Variants in MTO1 observed in about 807,000 individuals in gnomAD.
MTO1 encodes the protein mitochondrial tRNA translation optimization 1, also known as 5-taurinomethyluridine-[tRNA] synthase subunit MTO1, mitochondrial.
A neutral mutation model predicts 71.6 loss-of-function variants in MTO1; 46 were observed. That is an observed-to-expected ratio of 0.64 (90% CI 0.51 to 0.82). The LOEUF is 0.82. Ranked by LOEUF, MTO1 falls within the 40% of genes least tolerant of loss-of-function variation. MTO1 has a pLI of 0.00. For synonymous variants in MTO1, 297 were observed against 312.1 expected, an observed-to-expected ratio of 0.95 and a Z score of 0.51; for missense variants, 773 against 867.5, an observed-to-expected ratio of 0.89 and a Z score of 1.37.
At position 73,482,047 on chromosome 6, in the gene MTO1, T is replaced by G. The variant is rs777471257; in HGVS notation, c.1268T>G (p.Ile423Arg). 1 of 1,614,026 alleles carries G rather than the reference T, an allele frequency of 6.2e-7. No individual in the cohort carries two copies. Among genetic ancestry groups the G allele is most frequent in the East Asian group, 2.2e-5 (1 of 44,894 alleles). Residue 423 changes from isoleucine to arginine, a missense_variant, in exon 8 of 12, where the codon ATA becomes AGA. Coordinates refer to ENST00000498286, the MANE Select transcript of MTO1 (RefSeq NM_012123.4). Reference protein sequence around the residue: ...GYEEAAAQGVIAGINASLRVS... With the variant: ...GYEEAAAQGVRAGINASLRVS... ...ATTTCAGTGCTCTTGTAGGGTGTGA[T>G]AGCCGGAATCAACGCCAGTCTTCGG...
At chr6:73,473,240 C>A in intron 3 of MTO1, 125 bp from the exon 4 acceptor site, 1 of 1,044,654 alleles carries the variant, frequency 9.6e-7, no homozygotes, top group Non-Finnish European at 1.3e-6. Context: ...CATTGCACCA[C>A]TGCCCTCCAG....
At chr6:73,485,129 G>T (rs1443207910) in intron 9 of MTO1, among the ~76,000 whole-genome samples, 1 of 151,774 alleles carries the variant, frequency 6.6e-6, no homozygotes, top group African/African-American at 2.4e-5. Context: ...ATAGGAACTT[G>T]CATTGAATGT....
intron 6 of MTO1, chr6:73,480,423 A>T: frequency 1.6e-6 from 1 of 609,242 alleles, no homozygotes. Context: ...GGCATGCATC[A>T]CCATGCCCGG....
In MTO1 at chr6:73,488,859, A is replaced by G. The variant is rs983788831; in HGVS notation, c.1638-3375A>G. On this transcript the variant is annotated intron_variant, in intron 9 of 11. Coordinates refer to ENST00000498286, the MANE Select transcript of MTO1 (RefSeq NM_012123.4). Reference sequence around the variant, plus strand: ...CTTGAACCCGGGAGATGGAGGTTGCAGTGAGCACAGATCATGCCACTGCAC... The same window carrying G: ...CTTGAACCCGGGAGATGGAGGTTGCGGTGAGCACAGATCATGCCACTGCAC... Among the ~76,000 whole-genome samples, 18 of 152,210 alleles carry G rather than the reference A, an allele frequency of 1.2e-4. 1 individual carries two copies. The highest frequency in any genetic ancestry group is 5.9e-4 in the Admixed American group (9 of 15,260).
chr6:73,485,940 T>TACAC (rs57534567), intron 9 of MTO1, among the ~76,000 whole-genome samples: 1 of 151,024 alleles, frequency 6.6e-6, no homozygotes, highest in Non-Finnish European at 1.5e-5. Flanking sequence ...GCGTAACACA[T>TACAC]ACACACACAC....
Position 73,504,594 on chromosome 6 carries a change from C to A in MTO1, c.*3859C>A, listed in dbSNP as rs192723376. On this transcript the variant is annotated 3_prime_UTR_variant, in exon 12 of 12. Coordinates refer to ENST00000498286, the MANE Select transcript of MTO1 (RefSeq NM_012123.4). ...ACTCAAGTGAATAATTAAATGAGAT[C>A]AAAATATTTGTGACAGGCCAGGCAC... 6.6e-6 allele frequency: 1 copy of A among 152,272 alleles called. No individual in the cohort carries two copies. The highest frequency in any genetic ancestry group is 2.4e-5 in the African/African-American group (1 of 41,572). 9.4% of individuals were successfully genotyped at this position (152,272 alleles called of 1,614,324 possible). A position where few individuals can be genotyped will look rare whatever the true frequency, so the allele number is the denominator to read the frequency against.
chr6:73,483,968 AG>A (rs1222492762), intron 9 of MTO1, among the ~76,000 whole-genome samples: 1 of 151,862 alleles, frequency 6.6e-6, no homozygotes, highest in Admixed American at 6.6e-5. Context: ...TAGTAGAGAC[AG>A]GGTTTCACCA....
chr6:73,476,707 CAACT>C (rs1771334178), intron 4 of MTO1, among the ~76,000 whole-genome samples: 1 of 151,842 alleles, frequency 6.6e-6, no homozygotes, highest in African/African-American at 2.4e-5. Flanking sequence ...GCCTATATCT[CAACT>C]AAGCACAGAG....
Position 73,482,151 on chromosome 6 carries a change from G to T in MTO1, c.1372G>T (p.Gly458Cys). ...CTTGATTGATGACCTCACTACTCTG[G>T]GCACCAGTGAACCATACCGCATGTT... is the stretch of plus-strand genomic sequence containing the variant. The part of the protein sequence containing the change: ...GVLIDDLTTL[G>C]TSEPYRMFTS... The change falls in exon 8 of 12, where the codon GGC (glycine) becomes TGC (cysteine). Residue 458 changes from glycine (G) to cysteine (C), a missense_variant. Coordinates refer to ENST00000498286, the MANE Select transcript of MTO1 (RefSeq NM_012123.4). 1 of 1,614,100 alleles carries T rather than the reference G, an allele frequency of 6.2e-7. No homozygotes were observed. Among genetic ancestry groups the T allele is most frequent in the Non-Finnish European group, 8.5e-7 (1 of 1,180,032 alleles).
intron 4 of MTO1, among the ~76,000 whole-genome samples, chr6:73,477,594 C>T (rs1473890940): frequency 6.6e-6 from 1 of 150,884 alleles, no homozygotes; most frequent in Non-Finnish European, 1.5e-5. Context: ...GTAACCTCCG[C>T]CTCCCAGGCT....
At chr6:73,476,140 A>G (rs1771311049) in intron 4 of MTO1, among the ~76,000 whole-genome samples, 1 of 151,770 alleles carries the variant, frequency 6.6e-6, no homozygotes, top group Non-Finnish European at 1.5e-5. Context: ...AGGCAGGTGG[A>G]TCACTTGAGG....
In MTO1 at chr6:73,480,671, T is replaced by G; in HGVS notation, c.1130-4T>G. On this transcript the variant is annotated splice_region_variant and splice_polypyrimidine_tract_variant and intron_variant, in intron 6 of 11. Transcript: ENST00000498286. ...CTTATTTAATGTCTTTGTTCTTTGG[T>G]CAGGCTACGGTGTTCAGTATGATTA... The G allele has an allele frequency of 6.2e-7, 1 of 1,613,634 alleles. No individual in the cohort carries two copies. Among genetic ancestry groups the G allele is most frequent in the Non-Finnish European group, 8.5e-7 (1 of 1,179,818 alleles).
chr6:73,464,750 A>C (rs1434934543), intron 1 of MTO1, among the ~76,000 whole-genome samples: 1 of 148,218 alleles, frequency 6.7e-6, no homozygotes, highest in African/African-American at 2.5e-5. Flanking sequence ...CAGGAGAATC[A>C]CTTGAACTCG....
chr6:73,491,049 C>T (rs1198030417), intron 9 of MTO1, among the ~76,000 whole-genome samples: 1 of 152,180 alleles, frequency 6.6e-6, no homozygotes, highest in Admixed American at 6.6e-5. Flanking sequence ...TGCATTAATA[C>T]TTAGGCATGT....
chr6:73,499,436 C>T (rs112381875), intron 11 of MTO1, among the ~76,000 whole-genome samples: 3 of 150,974 alleles, frequency 2.0e-5, no homozygotes, highest in Non-Finnish European at 2.9e-5. Flanking sequence ...GTGGGAGGAT[C>T]GCTTGAGCCC....
rs1770828040 is a variant in MTO1 at position 73,461,909 on chromosome 6, C to T, written c.55C>T (p.Gln19Ter). The T allele has an allele frequency of 6.2e-7, 1 of 1,614,236 alleles. No individual in the cohort carries two copies. Among genetic ancestry groups the T allele is most frequent in the Non-Finnish European group, 8.5e-7 (1 of 1,180,022 alleles). The change falls in exon 1 of 12, where the codon CAA becomes TAA. Residue 19 changes from glutamine (Q) to a stop codon, truncating the protein, a stop_gained. Transcript: ENST00000498286. LOFTEE classifies it high-confidence loss of function. ...RWVAVSFTKQ[Q>*]FPLARLSSDS... is the part of the protein sequence containing the mutation. ...GGTCGCGGTTTCCTTCACCAAGCAG[C>T]AATTTCCGTTGGCACGGTTGAGCAG...
intron 4 of MTO1, among the ~76,000 whole-genome samples, chr6:73,476,170 C>T (rs911265435): frequency 2.0e-5 from 3 of 150,562 alleles, no homozygotes; most frequent in African/African-American, 4.9e-5. Context: ...CAAGACCAGT[C>T]TGGCCAACAT....
chr6:73,475,162 C>CA (rs1771274251), intron 4 of MTO1, among the ~76,000 whole-genome samples: 1 of 151,874 alleles, frequency 6.6e-6, no homozygotes, highest in Non-Finnish European at 1.5e-5. Context: ...AGGGTCTCGC[C>CA]ATATTGCCCA....
rs747751803 is a variant in MTO1, at chr6:73,466,522, C to G, written c.451C>G (p.Gln151Glu). Residue 151 changes from glutamine to glutamate, a missense_variant, in exon 3 of 12, where the codon CAG (glutamine) becomes GAG (glutamate). Coordinates refer to ENST00000498286, the MANE Select transcript of MTO1 (RefSeq NM_012123.4). ...CTTGAATACACCACTGCTTACTGTT[C>G]AGGAGGGAGCTGTAGAAGATCTTAT... Reference protein sequence around the residue: ...EILNTPLLTVQEGAVEDLILT... With the variant: ...EILNTPLLTVEEGAVEDLILT... The G allele has an allele frequency of 3.7e-6, 6 of 1,613,990 alleles. No individual in the cohort carries two copies. The highest frequency in any genetic ancestry group is 4.2e-6 in the Non-Finnish European group (5 of 1,180,020).
Sources: gnomAD v4.1 joint callset for allele counts (sites outside exome capture counted in the v4.1 genomes callset) on GRCh38, gnomAD v4.1.1 for gene constraint, MANE v1.5 for transcripts, NCBI Gene and HGNC (gene_info 2026-07-23, HGNC 2026-07-21) for gene names.